The following MYO5C variants were observed in gnomAD, a reference collection of about 807,000 sequenced individuals.
The protein encoded by MYO5C is unconventional myosin-Vc.
In MYO5C, 194 loss-of-function variants were observed where a neutral mutation model predicts 235.7. The ratio of observed to expected loss-of-function variants is 0.82; its 90% confidence interval spans 0.73 to 0.93. The LOEUF is 0.93. Among genes scored for constraint, MYO5C ranks in the 40% least tolerant of loss-of-function variants. The pLI, the probability that MYO5C is intolerant of heterozygous loss-of-function variation, is 0.00. For missense variants in MYO5C, 2,038 were observed against 2,127.2 expected, an observed-to-expected ratio of 0.96 and a Z score of 0.82; for synonymous variants, 707 against 754.8, an observed-to-expected ratio of 0.94 and a Z score of 1.04.
intron 1 of MYO5C, 69 bp from the exon 2 acceptor site, chr15:52,282,961 A>T: frequency 9.9e-7 from 1 of 1,005,052 alleles, no homozygotes; most frequent in Non-Finnish European, 1.6e-6. Flanking sequence ...ATGGTTAGAC[A>T]CAGGAAGGTT....
Position 52,192,364 on chromosome 15 carries a change from C to G in MYO5C, c.*1538G>C, listed in dbSNP as rs1213653176. The G allele has an allele frequency of 6.6e-6, 1 of 152,166 alleles. No homozygotes were observed. The highest frequency in any genetic ancestry group is 1.5e-5 in the Non-Finnish European group (1 of 68,020). 9.4% of individuals were successfully genotyped at this position (152,166 alleles called of 1,614,324 possible). A position where few individuals can be genotyped will look rare whatever the true frequency, so the allele number is the denominator to read the frequency against. ...TTGATTAAAGTATTACAAAGTTCTA[C>G]TTTTCATTTTTTCATGTACAATGTA... On this transcript the variant is annotated 3_prime_UTR_variant, in exon 41 of 41. Transcript: ENST00000261839.
chr15:52,218,053 T>A (rs1417096279), intron 32 of MYO5C, among the ~76,000 whole-genome samples: 1 of 152,232 alleles, frequency 6.6e-6, no homozygotes, highest in African/African-American at 2.4e-5. Context: ...TAAACACTTT[T>A]AAAAAGTTTT....
intron 38 of MYO5C, among the ~76,000 whole-genome samples, chr15:52,202,628 C>A (rs995643517): frequency 2.0e-5 from 3 of 152,140 alleles, no homozygotes; most frequent in African/African-American, 7.2e-5. Flanking sequence ...CAGAGGACTA[C>A]AGGATCTGCT....
chr15:52,267,544 G>A (rs965439585), intron 8 of MYO5C, among the ~76,000 whole-genome samples: 1 of 152,178 alleles, frequency 6.6e-6, no homozygotes, highest in African/African-American at 2.4e-5. Flanking sequence ...AAATTAGCTG[G>A]GGGCGGTGGC....
intron 1 of MYO5C, among the ~76,000 whole-genome samples, chr15:52,295,119 T>C (rs1018718799): frequency 2.0e-5 from 3 of 152,214 alleles, no homozygotes; most frequent in African/African-American, 7.2e-5. Flanking sequence ...CTATGCCAGC[T>C]CGTTCAAGGG....
At chr15:52,251,659 T>C (rs1392522236) in intron 12 of MYO5C, 144 bp from the exon 13 acceptor site, 1 of 259,734 alleles carries the variant, frequency 3.9e-6, no homozygotes, top group African/African-American at 2.3e-5. Context: ...ATTTATTTAT[T>C]TATTTATTTA....
chr15:52,248,644 A>G (rs1213775698), intron 14 of MYO5C, 56 bp downstream of exon 14: 7 of 1,215,732 alleles, frequency 5.8e-6, no homozygotes, highest in Non-Finnish European at 7.3e-6. Context: ...CCTTATATAC[A>G]TCTAGATCCA....
intron 12 of MYO5C, among the ~76,000 whole-genome samples, chr15:52,252,680 C>T (rs1241207033): frequency 6.6e-6 from 1 of 151,728 alleles, no homozygotes; most frequent in Non-Finnish European, 1.5e-5. Context: ...GAGGCTGGAA[C>T]AGGAGAATCA....
chr15:52,247,083 A>G (rs780476737), intron 15 of MYO5C, 69 bp from the exon 16 acceptor site: 591 of 1,372,512 alleles, frequency 4.3e-4, no homozygotes, highest in Non-Finnish European at 5.6e-4. Flanking sequence ...GGTAAAAAGC[A>G]GCCCAACCTT....
intron 22 of MYO5C, 100 bp from the exon 23 acceptor site, chr15:52,235,863 T>C: frequency 1.4e-6 from 1 of 740,586 alleles, no homozygotes; most frequent in East Asian, 2.7e-5. Flanking sequence ...CTTAAATTAG[T>C]TTATTTTTTC....
chr15:52,224,964 A>C lies in MYO5C; in HGVS notation c.3383T>G (p.Leu1128Arg), dbSNP rs201611941. 1 of 1,614,082 alleles carries C rather than the reference A, an allele frequency of 6.2e-7. No individual in the cohort carries two copies. The highest frequency in any genetic ancestry group is 8.5e-7 in the Non-Finnish European group (1 of 1,179,968). The change falls in exon 28 of 41, where the codon CTG (leucine) becomes CGG (arginine). Residue 1128 changes from leucine to arginine, a missense_variant. Coordinates refer to ENST00000261839, the MANE Select transcript of MYO5C (RefSeq NM_018728.4). ...DVRSRLSVED[L>R]EHLNEDGELW... ...TTCTCCATCCTCATTTAAATGTTCCAGATCTTCCACAGAGAGCCTGCAAAA... is the reference window on the plus strand; with the variant it reads ...TTCTCCATCCTCATTTAAATGTTCCCGATCTTCCACAGAGAGCCTGCAAAA...
At chr15:52,212,635 T>G (rs1324982820) in intron 34 of MYO5C, among the ~76,000 whole-genome samples, 1 of 152,186 alleles carries the variant, frequency 6.6e-6, no homozygotes, top group Admixed American at 6.5e-5. Context: ...AAGGTCACAG[T>G]GAAGACAGTG....
intron 36 of MYO5C, among the ~76,000 whole-genome samples, chr15:52,206,429 C>A (rs2035315744): frequency 6.6e-6 from 1 of 152,146 alleles, no homozygotes; most frequent in Non-Finnish European, 1.5e-5. Context: ...GAAGCCCTAA[C>A]CCCCTAGTGT....
At chr15:52,241,024 T>C (rs2036208090) in intron 20 of MYO5C, among the ~76,000 whole-genome samples, 2 of 152,202 alleles carry the variant, frequency 1.3e-5, no homozygotes, top group African/African-American at 4.8e-5. Flanking sequence ...TTTTGCCGTA[T>C]GAAACTCATC....
chr15:52,225,975 G>C (rs1196703507), intron 25 of MYO5C, among the ~76,000 whole-genome samples: 1 of 151,814 alleles, frequency 6.6e-6, no homozygotes, highest in Non-Finnish European at 1.5e-5. Flanking sequence ...GCTTGAACCC[G>C]GGAGGCAGAG....
intron 7 of MYO5C, 100 bp from the exon 8 acceptor site, chr15:52,269,960 T>C: frequency 3.6e-6 from 3 of 827,942 alleles, no homozygotes; most frequent in Non-Finnish European, 6.2e-6. Flanking sequence ...AACTGTGTCA[T>C]GCACTTTACA....
Position 52,223,672 on chromosome 15 carries a change from C to T in MYO5C, c.3499G>A (p.Glu1167Lys). 4 of 1,614,140 alleles carry T rather than the reference C, an allele frequency of 2.5e-6. No homozygotes were observed. Among genetic ancestry groups the T allele is most frequent in the Non-Finnish European group, 3.4e-6 (4 of 1,180,020 alleles). ...TGCACCACTTTGAAGTTCAAAGCTT[C>T]AATCTCCTTTTCATAGCAATCCTTC... The part of the protein sequence containing the change: ...SQKDCYEKEI[E>K]ALNFKVVHLS... Residue 1167 changes from glutamate (E) to lysine (K), a missense_variant, in exon 29 of 41, where the codon GAA becomes AAA. Physicochemically the swap from Glu to Lys is moderately conservative, Grantham distance 56. Coordinates refer to ENST00000261839, the MANE Select transcript of MYO5C (RefSeq NM_018728.4).
chr15:52,221,100 A>G (rs1483084982), intron 30 of MYO5C, 62 bp downstream of exon 30: 23 of 1,319,916 alleles, frequency 1.7e-5, no homozygotes, highest in Admixed American at 1.3e-4. Flanking sequence ...GGACATTTCA[A>G]TGTCATTTCC....
chr15:52,247,018 G>C lies in MYO5C; in HGVS notation c.1882-4C>G, dbSNP rs766265507. ...GCAAGTACAGAGAGCTGCGGAACTA[G>C]GAAACAAAGCTAGAGATCAAACATG... On this transcript the variant is annotated splice_region_variant and splice_polypyrimidine_tract_variant and intron_variant, in intron 15 of 40. Transcript: ENST00000261839. 16 of 1,610,306 alleles carry C rather than the reference G, an allele frequency of 9.9e-6. No individual in the cohort carries two copies. The highest frequency in any genetic ancestry group is 1.3e-5 in the Non-Finnish European group (15 of 1,178,266).
Sources: allele counts gnomAD v4.1 joint callset (sites outside exome capture counted in the v4.1 genomes callset), GRCh38; gene constraint gnomAD v4.1.1; transcripts MANE v1.5; gene names NCBI Gene and HGNC (gene_info 2026-07-23, HGNC 2026-07-21).